Variants in APLF observed in about 807,000 individuals in gnomAD.
APLF encodes aprataxin and PNK-like factor.
Under a neutral mutation model 55.6 loss-of-function variants are expected in APLF, and 61 were observed. The observed-to-expected ratio is 1.10, with a 90% confidence interval of 0.89 to 1.36. APLF has a LOEUF of 1.36. APLF is among the 40% of genes most tolerant of loss of function. The pLI is 0.00. For synonymous variants in APLF, 207 were observed against 214.8 expected, an observed-to-expected ratio of 0.96 and a Z score of 0.32; for missense variants, 611 against 602.5, an observed-to-expected ratio of 1.01 and a Z score of -0.15.
chr2:68,495,507 G>A (rs1415896273), intron 2 of APLF, among the ~76,000 whole-genome samples: 2 of 152,190 alleles, frequency 1.3e-5, no homozygotes, highest in Non-Finnish European at 2.9e-5. Flanking sequence ...CACCCCTCTG[G>A]CTTTGGAGGG....
intron 1 of APLF, among the ~76,000 whole-genome samples, chr2:68,469,279 G>C (rs1052645568): frequency 1.3e-5 from 2 of 152,048 alleles, no homozygotes; most frequent in Non-Finnish European, 2.9e-5. Flanking sequence ...GGTGACTAAC[G>C]AGTTTTGACT....
chr2:68,478,992 C>G (rs1384578262), intron 1 of APLF, among the ~76,000 whole-genome samples: 1 of 152,164 alleles, frequency 6.6e-6, no homozygotes, highest in East Asian at 1.9e-4. Flanking sequence ...TCCCTGAAGT[C>G]AGGAAGTACC....
At chr2:68,516,543 G>A (rs1383727525) in intron 5 of APLF, among the ~76,000 whole-genome samples, 3 of 150,926 alleles carry the variant, frequency 2.0e-5, no homozygotes, top group Non-Finnish European at 4.4e-5. Flanking sequence ...CCCATTACCC[G>A]AGCAGTGTAC....
chr2:68,503,319 A>G (rs1254935127), intron 3 of APLF, among the ~76,000 whole-genome samples: 2 of 152,144 alleles, frequency 1.3e-5, no homozygotes, highest in Non-Finnish European at 2.9e-5. Context: ...TCTTATAAAA[A>G]TAGCAGAAAA....
intron 8 of APLF, among the ~76,000 whole-genome samples, chr2:68,549,282 C>T (rs1670791292): frequency 6.6e-6 from 1 of 152,022 alleles, no homozygotes; most frequent in Admixed American, 6.6e-5. Flanking sequence ...TCATTAATCA[C>T]ATTTCCTGTA....
intron 3 of APLF, among the ~76,000 whole-genome samples, chr2:68,511,552 A>G (rs1429178717): frequency 6.6e-6 from 1 of 151,798 alleles, no homozygotes; most frequent in African/African-American, 2.4e-5. Context: ...AAAATAAACT[A>G]GAAATGGAAT....
At chr2:68,520,156 G>A (rs1669853144) in intron 5 of APLF, among the ~76,000 whole-genome samples, 1 of 151,698 alleles carries the variant, frequency 6.6e-6, no homozygotes, top group Non-Finnish European at 1.5e-5. Flanking sequence ...CCCACTTTTT[G>A]ATGGGATTAT....
At chr2:68,496,504 G>C (rs13400155) in intron 2 of APLF, among the ~76,000 whole-genome samples, 2 of 152,026 alleles carry the variant, frequency 1.3e-5, no homozygotes, top group African/African-American at 4.8e-5. Context: ...TCTCTGCCAC[G>C]TGGCTAGGCT....
At chr2:68,485,960 C>T (rs1404636375) in intron 1 of APLF, among the ~76,000 whole-genome samples, 1 of 151,936 alleles carries the variant, frequency 6.6e-6, no homozygotes. Context: ...GGACTATAGG[C>T]ACATGCCACC....
intron 2 of APLF, among the ~76,000 whole-genome samples, chr2:68,495,957 GC>G (rs1311972139): frequency 6.6e-6 from 1 of 152,266 alleles, no homozygotes; most frequent in African/African-American, 2.4e-5. Flanking sequence ...ATGCAGGGCA[GC>G]AGGGCCCTGG....
intron 5 of APLF, among the ~76,000 whole-genome samples, chr2:68,523,231 C>T (rs1259366066): frequency 6.6e-6 from 1 of 151,952 alleles, no homozygotes; most frequent in African/African-American, 2.4e-5. Context: ...ACTTTACTAT[C>T]AGGTAAATTG....
chr2:68,495,653 C>G (rs1378646485), intron 2 of APLF, among the ~76,000 whole-genome samples: 2 of 152,232 alleles, frequency 1.3e-5, no homozygotes, highest in Non-Finnish European at 2.9e-5. Context: ...CCTCCCATCC[C>G]ACATTTATTC....
At chr2:68,537,059 G>A (rs1032747793) in intron 6 of APLF, among the ~76,000 whole-genome samples, 10 of 151,872 alleles carry the variant, frequency 6.6e-5, no homozygotes, top group Non-Finnish European at 1.3e-4. Context: ...CAGCTACTCG[G>A]GAGCCTGAGG....
At chr2:68,523,989 A>G (rs1460962982) in intron 5 of APLF, among the ~76,000 whole-genome samples, 1 of 151,804 alleles carries the variant, frequency 6.6e-6, no homozygotes, top group Non-Finnish European at 1.5e-5. Context: ...TTTTAAATAT[A>G]TATATTTTTT....
chr2:68,528,512 G>A (rs1670149114), intron 6 of APLF: 1 of 1,533,778 alleles, frequency 6.5e-7, no homozygotes, highest in African/African-American at 1.4e-5. Context: ...CCTGTGGCCG[G>A]CAGCTCTGGG....
At chr2:68,518,114 A>G (rs925356100) in intron 5 of APLF, among the ~76,000 whole-genome samples, 1 of 129,520 alleles carries the variant, frequency 7.7e-6, no homozygotes, top group African/African-American at 2.9e-5. Context: ...AATATATCAT[A>G]TACAATATTA....
chr2:68,482,589 C>G (rs1675998195), intron 1 of APLF, among the ~76,000 whole-genome samples: 1 of 152,098 alleles, frequency 6.6e-6, no homozygotes, highest in Non-Finnish European at 1.5e-5. Flanking sequence ...GGGACTGGCT[C>G]TCTGGGCTGT....
Position 68,578,802 on chromosome 2 carries a change from A to G in APLF, c.*780A>G. 1 of 985,344 alleles carries G rather than the reference A, an allele frequency of 1.0e-6. No individual in the cohort carries two copies. Among genetic ancestry groups the G allele is most frequent in the Non-Finnish European group, 1.2e-6 (1 of 829,886 alleles). The allele number at this position is 985,344 out of a possible 1,614,324, so 61.0% of individuals were successfully genotyped here. A position where few individuals can be genotyped will look rare whatever the true frequency, so the allele number is the denominator to read the frequency against. ...TAGAGAAACGACATAACTTTCTCAA[A>G]TGGCATTAGTTTTGCCTTAGTTTTT... On this transcript the variant is annotated 3_prime_UTR_variant, in exon 10 of 10. Transcript: ENST00000303795.
At chr2:68,469,731 A>G (rs967980668) in intron 1 of APLF, among the ~76,000 whole-genome samples, 49 of 152,230 alleles carry the variant, frequency 3.2e-4, no homozygotes, top group Admixed American at 2.7e-3. Flanking sequence ...CAACAACAGC[A>G]ATTCCAGTGA....
Sources: allele counts gnomAD v4.1 joint callset (sites outside exome capture counted in the v4.1 genomes callset), GRCh38; gene constraint gnomAD v4.1.1; transcripts MANE v1.5; gene names NCBI Gene and HGNC (gene_info 2026-07-23, HGNC 2026-07-21).